GALNT13: variants seen among roughly 807,000 people sequenced by gnomAD.
GALNT13 encodes polypeptide N-acetylgalactosaminyltransferase 13, also known as UDP-GalNAc:polypeptide N-acetylgalactosaminyltransferase 13.
Under a neutral mutation model 64.2 loss-of-function variants are expected in GALNT13, and 28 were observed. That is an observed-to-expected ratio of 0.44 (90% CI 0.32 to 0.60). GALNT13 has a LOEUF of 0.60. GALNT13 is among the 20% of genes least tolerant of loss of function. The probability of loss-of-function intolerance (pLI) is 0.05; values close to 1 mark genes in which losing one functional copy is unlikely to be tolerated. For synonymous variants in GALNT13, 214 were observed against 224.6 expected (o/e 0.95, Z 0.42); for missense variants, 577 against 669.8 (o/e 0.86, Z 1.53).
At chr2:153,680,238 C>T in the GALNT13 span, among the ~76,000 whole-genome samples, 2 of 151,440 alleles carry the variant, frequency 1.3e-5, no homozygotes, top group African/African-American at 2.4e-5. Context: ...TTGTGTAATG[C>T]CATATGACAG....
Position 154,451,206 on chromosome 2 carries a change from A to C in GALNT13, c.*655A>C, listed in dbSNP as rs1244564271. 6.6e-6 allele frequency: 1 copy of C among 152,130 alleles called. No individual in the cohort carries two copies. The highest frequency in any genetic ancestry group is 1.5e-5 in the Non-Finnish European group (1 of 68,034). The allele number at this position is 152,130 out of a possible 1,614,324, so 9.4% of individuals were successfully genotyped here. On this transcript the variant is annotated 3_prime_UTR_variant, in exon 13 of 13. Transcript: ENST00000392825. The stretch of plus-strand genomic sequence containing the variant: ...GAGTACATAAAAAAAGAAATCCGCG[A>C]AGCATTGAGGGGAACAAGATGAGTC...
chr2:154,218,652 T>C (rs982007028), intron 4 of GALNT13, among the ~76,000 whole-genome samples: 2 of 152,132 alleles, frequency 1.3e-5, no homozygotes, highest in African/African-American at 4.8e-5. Context: ...TCTTACTGTG[T>C]ACTTCTGACT....
the GALNT13 span, among the ~76,000 whole-genome samples, chr2:153,821,103 A>G: frequency 6.4e-4 from 98 of 152,290 alleles, no homozygotes; most frequent in African/African-American, 2.2e-3. Flanking sequence ...ACAAATACTT[A>G]TAGACTTATG....
At chr2:154,429,438 C>T (rs1230040423) in intron 11 of GALNT13, among the ~76,000 whole-genome samples, 9 of 152,158 alleles carry the variant, frequency 5.9e-5, no homozygotes, top group Non-Finnish European at 1.5e-5. Flanking sequence ...AATGCCTTTA[C>T]ACCAAAACTT....
intron 9 of GALNT13, among the ~76,000 whole-genome samples, chr2:154,331,102 C>A (rs1057499925): frequency 2.0e-5 from 3 of 152,016 alleles, no homozygotes; most frequent in African/African-American, 7.2e-5. Flanking sequence ...TTATAATATC[C>A]CCTTTAAAAT....
chr2:154,202,128 G>T (rs1687203821), intron 4 of GALNT13, among the ~76,000 whole-genome samples: 1 of 152,084 alleles, frequency 6.6e-6, no homozygotes, highest in Non-Finnish European at 1.5e-5. Flanking sequence ...TCTAGCAGGG[G>T]AGAAAAATAA....
the GALNT13 span, among the ~76,000 whole-genome samples, chr2:153,514,666 C>A: frequency 1.6e-4 from 25 of 152,228 alleles, no homozygotes; most frequent in African/African-American, 5.8e-4. Context: ...TTGCTCCAGT[C>A]CTCTTCATTA....
chr2:153,729,799 A>G, the GALNT13 span, among the ~76,000 whole-genome samples: 3 of 152,042 alleles, frequency 2.0e-5, no homozygotes, highest in Admixed American at 1.3e-4. Flanking sequence ...GCAAACCAGT[A>G]TTCAAAAATC....
At chr2:153,923,856 C>T (rs541304593) in intron 2 of GALNT13, among the ~76,000 whole-genome samples, 8 of 152,048 alleles carry the variant, frequency 5.3e-5, no homozygotes, top group South Asian at 4.1e-4. Flanking sequence ...CATGTCCCTA[C>T]GAAGGACATG....
chr2:153,198,192 C>T, the GALNT13 span, among the ~76,000 whole-genome samples: 12 of 152,214 alleles, frequency 7.9e-5, no homozygotes, highest in South Asian at 2.1e-4. Flanking sequence ...AAATTGGTGC[C>T]GTGCTGCAGT....
chr2:153,162,042 A>G, the GALNT13 span, among the ~76,000 whole-genome samples: 3 of 152,132 alleles, frequency 2.0e-5, no homozygotes, highest in African/African-American at 7.2e-5. Flanking sequence ...GAAGGCGTGA[A>G]TGCACCCCAC....
At chr2:153,163,765 A>T in the GALNT13 span, among the ~76,000 whole-genome samples, 1 of 152,196 alleles carries the variant, frequency 6.6e-6, no homozygotes, top group Non-Finnish European at 1.5e-5. Context: ...CAAGCCTGTA[A>T]TCCCAGCACT....
At chr2:153,794,567 C>A in the GALNT13 span, among the ~76,000 whole-genome samples, 4 of 150,902 alleles carry the variant, frequency 2.7e-5, no homozygotes, top group Non-Finnish European at 4.4e-5. Flanking sequence ...GTCACCCAGG[C>A]GAGAATGCAG....
At chr2:154,333,488 T>C (rs1695278179) in intron 9 of GALNT13, among the ~76,000 whole-genome samples, 1 of 152,062 alleles carries the variant, frequency 6.6e-6, no homozygotes, top group African/African-American at 2.4e-5. Flanking sequence ...AATTACATTA[T>C]TGGGTTTGAA....
chr2:154,314,471 A>T lies in GALNT13; in HGVS notation c.1156+12882A>T, dbSNP rs1019801052. Among the ~76,000 whole-genome samples the T allele has an allele frequency of 3.3e-5, 5 of 152,162 alleles. No individual in the cohort carries two copies. In the East Asian group the frequency reaches 9.6e-4, roughly 29 times the overall value. ...AGTCTGATTGTGTTGCTATAAAGGA[A>T]TACCTGATGATGAGTAATTTAAAAA... On this transcript the variant is annotated intron_variant, in intron 9 of 12. Transcript: ENST00000392825.
At chr2:153,121,003 C>T in the GALNT13 span, among the ~76,000 whole-genome samples, 3 of 152,204 alleles carry the variant, frequency 2.0e-5, no homozygotes, top group South Asian at 6.2e-4. Context: ...TAGTTATAAT[C>T]TTAGTGTCTA....
At chr2:153,746,347 G>T in the GALNT13 span, among the ~76,000 whole-genome samples, 2 of 152,120 alleles carry the variant, frequency 1.3e-5, no homozygotes, top group Non-Finnish European at 2.9e-5. Context: ...GATTGGTTTT[G>T]TTGTGAAACA....
the GALNT13 span, among the ~76,000 whole-genome samples, chr2:153,223,372 T>A: frequency 6.6e-6 from 1 of 152,212 alleles, no homozygotes; most frequent in Non-Finnish European, 1.5e-5. Flanking sequence ...TAGCAGAATA[T>A]TAATTTTTCT....
At chr2:154,310,978 A>ATAGAATATTCTATGAATATATATTCT (rs1553513523) in intron 9 of GALNT13, among the ~76,000 whole-genome samples, 2,852 of 151,238 alleles carry the variant, frequency 0.019, 85 homozygotes, top group African/African-American at 0.06. Flanking sequence ...ATATATATTC[A>ATAGAATATTCTATGAATATATATTCT]TAGAATATTC....
Sources: allele counts gnomAD v4.1 joint callset (sites outside exome capture counted in the v4.1 genomes callset), GRCh38; gene constraint gnomAD v4.1.1; transcripts MANE v1.5; gene names NCBI Gene and HGNC (gene_info 2026-07-23, HGNC 2026-07-21).